Variants in ADAMTSL1 observed in about 807,000 individuals in gnomAD.
ADAMTSL1 encodes ADAMTS-like protein 1.
A neutral mutation model predicts 201.8 loss-of-function variants in ADAMTSL1; 126 were observed. The ratio of observed to expected loss-of-function variants is 0.62; its 90% CI spans 0.54 to 0.72. ADAMTSL1 has a LOEUF of 0.72. Ranked by LOEUF, ADAMTSL1 falls within the 30% of genes least tolerant of loss-of-function variation. The pLI, the probability that ADAMTSL1 is intolerant of heterozygous loss-of-function variation, is 0.00. For synonymous variants in ADAMTSL1, 1,121 were observed against 903.4 expected (o/e 1.24, Z -4.32); for missense variants, 2,679 against 2,277.8 (o/e 1.18, Z -3.59).
chr9:18,687,788 A>G (rs1306690780), intron 13 of ADAMTSL1, among the ~76,000 whole-genome samples: 1 of 152,222 alleles, frequency 6.6e-6, no homozygotes, highest in Non-Finnish European at 1.5e-5. Flanking sequence ...AAACAATGAT[A>G]AAAGACTAAA....
intron 7 of ADAMTSL1, among the ~76,000 whole-genome samples, chr9:18,640,265 C>A (rs1000642734): frequency 2.0e-5 from 3 of 152,124 alleles, no homozygotes; most frequent in African/African-American, 7.2e-5. Context: ...CAGACGCCAG[C>A]CACATGAACG....
rs1007557877 is a variant in ADAMTSL1, at chr9:18,568,610, A to G, written c.238-5420A>G. On this transcript the variant is annotated intron_variant, in intron 3 of 28. Coordinates refer to ENST00000380548, the MANE Select transcript of ADAMTSL1 (RefSeq NM_001040272.6). ...AGTAGATGCCTTGCTAGGCAGTTCT[A>G]ATTGCGTTTTCTTGCATAGTAACTG... Among the ~76,000 whole-genome samples, 4 of 152,158 alleles carry G rather than the reference A, an allele frequency of 2.6e-5. No individual in the cohort carries two copies. In the East Asian group the frequency reaches 5.8e-4, roughly 22 times the overall value.
chr9:18,897,539 G>A (rs1829722286), intron 26 of ADAMTSL1, among the ~76,000 whole-genome samples: 1 of 152,216 alleles, frequency 6.6e-6, no homozygotes, highest in Non-Finnish European at 1.5e-5. Flanking sequence ...TTGCTGTTTT[G>A]CAGACTTCAC....
At chr9:18,601,826 G>T (rs71506878) in intron 4 of ADAMTSL1, among the ~76,000 whole-genome samples, 9,433 of 151,374 alleles carry the variant, frequency 0.062, 371 homozygotes, top group Non-Finnish European at 0.091. Context: ...CATTTCCATA[G>T]ATATTATATA....
At chr9:18,732,740 G>A (rs1240463190) in intron 15 of ADAMTSL1, among the ~76,000 whole-genome samples, 1 of 152,068 alleles carries the variant, frequency 6.6e-6, no homozygotes, top group African/African-American at 2.4e-5. Flanking sequence ...AGAAAAGAAG[G>A]AAAAAAGGAA....
At chr9:18,497,740 G>C (rs1260999782) in intron 1 of ADAMTSL1, among the ~76,000 whole-genome samples, 1 of 152,130 alleles carries the variant, frequency 6.6e-6, no homozygotes, top group Admixed American at 6.5e-5. Context: ...GTTCATATCA[G>C]CAATTATTGA....
chr9:18,209,704 C>G (rs78749581), intron 2 of ADAMTSL1, among the ~76,000 whole-genome samples: 2,238 of 152,254 alleles, frequency 0.015, 64 homozygotes, highest in African/African-American at 0.05. Flanking sequence ...TTCATGTAAA[C>G]ACACCTCCAA....
intron 2 of ADAMTSL1, among the ~76,000 whole-genome samples, chr9:18,428,056 T>C (rs1351232784): frequency 2.0e-5 from 3 of 152,232 alleles, no homozygotes; most frequent in Non-Finnish European, 4.4e-5. Context: ...ACAAGGTTAT[T>C]TCTTGAGGGC....
At chr9:18,904,083 C>T (rs999491165) in intron 26 of ADAMTSL1, among the ~76,000 whole-genome samples, 7 of 152,026 alleles carry the variant, frequency 4.6e-5, no homozygotes, top group African/African-American at 9.7e-5. Flanking sequence ...TTACTCTTGC[C>T]TCGGCTTTCT....
At chr9:18,173,080 T>C (rs910125446) in intron 2 of ADAMTSL1, among the ~76,000 whole-genome samples, 58 of 152,258 alleles carry the variant, frequency 3.8e-4, no homozygotes, top group African/African-American at 1.4e-3. Context: ...TAATATAAAA[T>C]GTTTCTATTT....
chr9:17,951,606 T>G (rs1827729802), intron 1 of ADAMTSL1, among the ~76,000 whole-genome samples: 2 of 151,694 alleles, frequency 1.3e-5, no homozygotes, highest in Non-Finnish European at 2.9e-5. Context: ...TTCTTGTGTT[T>G]TACTATTCAT....
chr9:18,055,320 C>T (rs544087904), intron 1 of ADAMTSL1, among the ~76,000 whole-genome samples: 1 of 152,278 alleles, frequency 6.6e-6, no homozygotes, highest in African/African-American at 2.4e-5. Context: ...GTTTTCAAAG[C>T]ATTTGTTTAT....
Position 18,140,528 on chromosome 9 carries a change from A to G in ADAMTSL1, c.88-23334A>G, listed in dbSNP as rs138508353. Among the ~76,000 whole-genome samples, 352 of 152,292 alleles carry G rather than the reference A, an allele frequency of 2.3e-3. 2 individuals carry two copies. The highest frequency in any genetic ancestry group is 1.4e-3 in the Non-Finnish European group (94 of 68,022). ...TGCCTACCAGGGAAGTCTATCAGAG[A>G]CTCAACACTAGAAGATTTTTACTGG... On this transcript the variant is annotated intron_variant, in intron 1 of 29. Transcript: ENST00000680146.
intron 2 of ADAMTSL1, among the ~76,000 whole-genome samples, chr9:18,366,119 T>C (rs1396437276): frequency 2.0e-5 from 3 of 152,166 alleles, no homozygotes; most frequent in Non-Finnish European, 4.4e-5. Flanking sequence ...TGATATAATC[T>C]ACTTTTTATT....
At chr9:18,717,243 A>G (rs1035522218) in intron 14 of ADAMTSL1, among the ~76,000 whole-genome samples, 70 of 148,168 alleles carry the variant, frequency 4.7e-4, no homozygotes, top group Non-Finnish European at 6.4e-4. Flanking sequence ...AATAATAATA[A>G]TAATAATAAT....
At chr9:18,798,581 T>C (rs768765044) in intron 20 of ADAMTSL1, among the ~76,000 whole-genome samples, 3 of 152,222 alleles carry the variant, frequency 2.0e-5, no homozygotes, top group Non-Finnish European at 4.4e-5. Flanking sequence ...AAACCCTTTG[T>C]AGAGCAGCTC....
At chr9:18,494,127 C>T (rs145198594) in intron 1 of ADAMTSL1, among the ~76,000 whole-genome samples, 223 of 152,114 alleles carry the variant, frequency 1.5e-3, no homozygotes, top group African/African-American at 5.2e-3. Flanking sequence ...GAGGCAGAAA[C>T]GGGTGGATCA....
chr9:18,104,163 C>T (rs12337632), intron 1 of ADAMTSL1, among the ~76,000 whole-genome samples: 7,924 of 152,206 alleles, frequency 0.052, 520 homozygotes, highest in African/African-American at 0.14. Flanking sequence ...TATTAGTTCT[C>T]TACAGGCCAC....
intron 23 of ADAMTSL1, among the ~76,000 whole-genome samples, chr9:18,863,490 G>A (rs1253083697): frequency 6.6e-6 from 1 of 152,148 alleles, no homozygotes; most frequent in East Asian, 1.9e-4. Flanking sequence ...AATGTACATG[G>A]GAATCATCTT....
Sources: allele counts gnomAD v4.1 joint callset (sites outside exome capture counted in the v4.1 genomes callset), GRCh38; gene constraint gnomAD v4.1.1; transcripts MANE v1.5; gene names NCBI Gene and HGNC (gene_info 2026-07-23, HGNC 2026-07-21).